The following JAZF1 variants were observed in gnomAD, a reference collection of about 807,000 sequenced individuals.
JAZF1 encodes JAZF zinc finger 1, also known as juxtaposed with another zinc finger protein 1.
JAZF1 carries 8 observed loss-of-function variants against 26.4 expected under a neutral mutation model. The ratio of observed to expected loss-of-function variants is 0.30; its 90% CI spans 0.18 to 0.55. JAZF1 has a LOEUF of 0.55. Ranked by LOEUF, JAZF1 falls within the 20% of genes least tolerant of loss-of-function variation. JAZF1 has a pLI of 0.94. For synonymous variants in JAZF1, 126 were observed against 122.3 expected, an observed-to-expected ratio of 1.03 and a Z score of -0.20; for missense variants, 199 against 322.0, an observed-to-expected ratio of 0.62 and a Z score of 2.92.
intron 2 of JAZF1, among the ~76,000 whole-genome samples, chr7:27,951,391 C>T (rs1197764119): frequency 6.6e-6 from 1 of 151,990 alleles, no homozygotes; most frequent in Non-Finnish European, 1.5e-5. Flanking sequence ...TTTAATAATG[C>T]AATTTTTTTG....
At chr7:27,963,897 T>C (rs4722748) in intron 2 of JAZF1, among the ~76,000 whole-genome samples, 66,593 of 151,922 alleles carry the variant, frequency 0.44, 15,216 homozygotes, top group East Asian at 0.64. Flanking sequence ...CTGAAGTAGA[T>C]TGAAGATTAA....
chr7:28,116,227 C>T (rs975092671), intron 1 of JAZF1, among the ~76,000 whole-genome samples: 2 of 152,126 alleles, frequency 1.3e-5, no homozygotes, highest in African/African-American at 4.8e-5. Flanking sequence ...GAAAACTGGC[C>T]GAACTGGCCT....
chr7:28,077,211 T>A (rs1440739040), intron 1 of JAZF1, among the ~76,000 whole-genome samples: 1 of 152,156 alleles, frequency 6.6e-6, no homozygotes, highest in Non-Finnish European at 1.5e-5. Context: ...CAATGTTTAG[T>A]CTCTTAAGAA....
intron 1 of JAZF1, among the ~76,000 whole-genome samples, chr7:28,104,556 G>A (rs576896715): frequency 6.6e-6 from 1 of 152,330 alleles, no homozygotes; most frequent in South Asian, 2.1e-4. Context: ...TAAACATGTG[G>A]ATAGTGTTAC....
chr7:28,014,751 G>C (rs774500981), intron 1 of JAZF1, among the ~76,000 whole-genome samples: 9 of 152,124 alleles, frequency 5.9e-5, no homozygotes, highest in Non-Finnish European at 1.0e-4. Context: ...AATAAACCTG[G>C]GTGTTAGAGA....
chr7:28,055,039 C>A (rs775365189), intron 1 of JAZF1, among the ~76,000 whole-genome samples: 1 of 152,014 alleles, frequency 6.6e-6, no homozygotes, highest in African/African-American at 2.4e-5. Flanking sequence ...AAAAATCAGT[C>A]AAGTACACTT....
chr7:28,162,131 T>C (rs1282451158), intron 1 of JAZF1, among the ~76,000 whole-genome samples: 1 of 152,220 alleles, frequency 6.6e-6, no homozygotes, highest in Non-Finnish European at 1.5e-5. Context: ...GCTCACTTAT[T>C]TGGTCCAAGG....
In JAZF1 at chr7:28,130,510, C is replaced by T. The variant is rs1391059089; in HGVS notation, c.115+49953G>A. Among the ~76,000 whole-genome samples, 12 of 152,310 alleles carry T rather than the reference C, an allele frequency of 7.9e-5. No individual in the cohort carries two copies. The South Asian group carries it at 2.5e-3, about 32-fold the overall frequency. ...TTACGTAACGACCCACATTCACCCT[C>T]CCTTGCAAGGCCTGCCTGGTATCAG... On this transcript the variant is annotated intron_variant, in intron 1 of 4. Coordinates refer to ENST00000283928, the MANE Select transcript of JAZF1 (RefSeq NM_175061.4).
chr7:27,857,459 A>G (rs1783290468), intron 3 of JAZF1, among the ~76,000 whole-genome samples: 1 of 152,182 alleles, frequency 6.6e-6, no homozygotes, highest in South Asian at 2.1e-4. Flanking sequence ...AGGGGCTCAA[A>G]CAGTGCAGCG....
At chr7:27,896,072 T>G (rs1042375332) in intron 2 of JAZF1, among the ~76,000 whole-genome samples, 1 of 152,180 alleles carries the variant, frequency 6.6e-6, no homozygotes, top group Non-Finnish European at 1.5e-5. Context: ...CCCAGGAAGA[T>G]TCCAGAAGAA....
rs142631662 is a variant in JAZF1, at chr7:27,880,008, G to A, written c.385+15212C>T. ...AACACACAGTAAATACAAATTCTAG[G>A]AGGCTGTTAGATGCTATTTTTAAGA... On this transcript the variant is annotated intron_variant, in intron 3 of 4. Transcript: ENST00000283928. Among the ~76,000 whole-genome samples, 27 of 152,254 alleles carry A rather than the reference G, an allele frequency of 1.8e-4. No homozygotes were observed. The East Asian group carries it at 4.1e-3, about 23-fold the overall frequency.
chr7:28,087,917 T>C (rs1363686559), intron 1 of JAZF1, among the ~76,000 whole-genome samples: 2 of 152,102 alleles, frequency 1.3e-5, no homozygotes, highest in Non-Finnish European at 2.9e-5. Context: ...TCCTCTCCAC[T>C]TTTTTTTCCT....
chr7:28,123,865 T>C (rs1460030919), intron 1 of JAZF1, among the ~76,000 whole-genome samples: 3 of 152,234 alleles, frequency 2.0e-5, no homozygotes, highest in Non-Finnish European at 4.4e-5. Context: ...GTAATATTAC[T>C]GTTTCTGATC....
chr7:27,893,613 T>C (rs4719913), intron 3 of JAZF1, among the ~76,000 whole-genome samples: 47,846 of 152,062 alleles, frequency 0.31, 8,416 homozygotes, highest in East Asian at 0.44. Context: ...CTTTCCTGAC[T>C]GGGTCAAACT....
At chr7:27,866,461 T>A (rs1435552671) in intron 3 of JAZF1, among the ~76,000 whole-genome samples, 1 of 152,194 alleles carries the variant, frequency 6.6e-6, no homozygotes, top group Non-Finnish European at 1.5e-5. Context: ...ACACCTCCAT[T>A]TCCTCATCTG....
intron 1 of JAZF1, among the ~76,000 whole-genome samples, chr7:28,150,908 G>A (rs772106716): frequency 6.6e-6 from 1 of 152,166 alleles, no homozygotes; most frequent in Non-Finnish European, 1.5e-5. Context: ...GTGCTCATTC[G>A]ATAGGTAACG....
intron 1 of JAZF1, among the ~76,000 whole-genome samples, chr7:28,097,865 G>A (rs1274430694): frequency 1.3e-5 from 2 of 152,168 alleles, no homozygotes; most frequent in Non-Finnish European, 2.9e-5. Context: ...ACAGCAATCT[G>A]CTTTAACCAA....
chr7:28,097,781 C>T lies in JAZF1; in HGVS notation c.115+82682G>A, dbSNP rs117761781. The stretch of plus-strand genomic sequence containing the variant: ...ACAGGCCTGCTAGAGTCTGGGAGGT[C>T]ATTTTGCATGTAGAAATGGGAGGGT... On this transcript the variant is annotated intron_variant, in intron 1 of 4. Coordinates refer to ENST00000283928, the MANE Select transcript of JAZF1 (RefSeq NM_175061.4). 5.5e-3 allele frequency among the ~76,000 whole-genome samples: 839 copies of T among 152,128 alleles called. 3 individuals are homozygous for T. The highest frequency in any genetic ancestry group is 8.7e-3 in the Admixed American group (133 of 15,276).
intron 1 of JAZF1, among the ~76,000 whole-genome samples, chr7:28,142,186 A>C (rs1325179932): frequency 6.6e-6 from 1 of 152,190 alleles, no homozygotes; most frequent in Non-Finnish European, 1.5e-5. Flanking sequence ...CGTAAATGCT[A>C]CTGCCCATAA....
Sources: allele counts gnomAD v4.1 joint callset (sites outside exome capture counted in the v4.1 genomes callset), GRCh38; gene constraint gnomAD v4.1.1; transcripts MANE v1.5; gene names NCBI Gene and HGNC (gene_info 2026-07-23, HGNC 2026-07-21).